Variants in TRMT9B observed in about 807,000 individuals in gnomAD.
The protein encoded by TRMT9B is tRNA methyltransferase 9B (putative).
In TRMT9B, 16 loss-of-function variants were observed where a neutral mutation model predicts 11.5. That is an observed-to-expected ratio of 1.39 (90% CI 0.94 to 2.11). The LOEUF (loss-of-function observed/expected upper bound fraction) is 2.11, where lower values mean the gene tolerates loss of function less well. TRMT9B is among the 30% of genes most tolerant of loss of function. The probability of loss-of-function intolerance (pLI) is 0.00; values close to 1 mark genes in which losing one functional copy is unlikely to be tolerated. For synonymous variants in TRMT9B, 274 were observed against 192.4 expected, an observed-to-expected ratio of 1.42 and a Z score of -3.51; for missense variants, 941 against 553.8, an observed-to-expected ratio of 1.70 and a Z score of -7.02.
intron 2 of TRMT9B, among the ~76,000 whole-genome samples, chr8:12,996,962 T>C (rs1563388471): frequency 2.1e-5 from 1 of 46,716 alleles, no homozygotes; most frequent in Non-Finnish European, 4.1e-5. Context: ...TTTATTTTAT[T>C]TTATTTTATT....
intron 1 of TRMT9B, among the ~76,000 whole-genome samples, chr8:12,983,045 C>A (rs1805674440): frequency 6.6e-6 from 1 of 152,226 alleles, no homozygotes; most frequent in Non-Finnish European, 1.5e-5. Context: ...GCGTGCATTA[C>A]TCAGTGTGGT....
chr8:12,998,161 A>G (rs1424357701), intron 2 of TRMT9B, among the ~76,000 whole-genome samples: 5 of 152,192 alleles, frequency 3.3e-5, no homozygotes, highest in African/African-American at 1.2e-4. Flanking sequence ...ATCTGTATGT[A>G]CTACGAATAC....
In TRMT9B at chr8:13,012,721, G is replaced by A. The variant is rs371980778; in HGVS notation, c.192G>A (p.Gln64=). ...GAAAATATCTTAAAGTGAACAGCCA[G>A]GTACATACCGTGGGCTGTGACTACT... is the stretch of plus-strand genomic sequence containing the variant. ...GTGKYLKVNS[Q]VHTVGCDYCG... The change falls in exon 4 of 5, where the codon CAG becomes CAA. Residue 64 remains glutamine (Q), a synonymous_variant. Coordinates refer to ENST00000524591, the MANE Select transcript of TRMT9B (RefSeq NM_020844.3). 1 of 1,613,976 alleles carries A rather than the reference G, an allele frequency of 6.2e-7. No homozygotes were observed. The highest frequency in any genetic ancestry group is 1.1e-5 in the South Asian group (1 of 91,082).
At chr8:13,001,119 T>C (rs1046813960) in intron 2 of TRMT9B, among the ~76,000 whole-genome samples, 1 of 152,214 alleles carries the variant, frequency 6.6e-6, no homozygotes, top group Non-Finnish European at 1.5e-5. Flanking sequence ...CTACATTTAT[T>C]TTGCAGAAAA....
intron 2 of TRMT9B, among the ~76,000 whole-genome samples, chr8:12,992,868 C>T (rs1291252419): frequency 2.0e-5 from 3 of 151,968 alleles, no homozygotes; most frequent in Non-Finnish European, 4.4e-5. Flanking sequence ...GACTCCATCT[C>T]CAAAAAGTAA....
At chr8:12,956,151 G>A (rs1472363766) in intron 1 of TRMT9B, among the ~76,000 whole-genome samples, 1 of 152,230 alleles carries the variant, frequency 6.6e-6, no homozygotes, top group East Asian at 1.9e-4. Context: ...TCTGGGAAAT[G>A]CAGCTTATAG....
intron 1 of TRMT9B, among the ~76,000 whole-genome samples, chr8:12,981,578 CCTTT>C (rs1342074175): frequency 6.6e-6 from 1 of 151,810 alleles, no homozygotes; most frequent in Non-Finnish European, 1.5e-5. Flanking sequence ...TTTTTGCTTT[CCTTT>C]CTTTCTTTTA....
intron 1 of TRMT9B, among the ~76,000 whole-genome samples, chr8:12,948,070 G>T (rs746822480): frequency 3.3e-5 from 5 of 152,070 alleles, no homozygotes; most frequent in Non-Finnish European, 5.9e-5. Context: ...CTTACGATGG[G>T]GGTTACATCC....
intron 1 of TRMT9B, among the ~76,000 whole-genome samples, chr8:12,963,384 G>A (rs2128864153): frequency 6.6e-6 from 1 of 152,316 alleles, no homozygotes; most frequent in East Asian, 1.9e-4. Context: ...AGTGAGCCAA[G>A]ATTGCACCAC....
At chr8:12,952,986 C>T (rs1800829234) in intron 1 of TRMT9B, among the ~76,000 whole-genome samples, 1 of 152,214 alleles carries the variant, frequency 6.6e-6, no homozygotes. Flanking sequence ...GATCCGCCTG[C>T]CTCGGCCTCC....
At position 13,029,112 on chromosome 8, in the gene TRMT9B, A is replaced by C. The variant is rs773950424; in HGVS notation, c.*7068A>C. On this transcript the variant is annotated 3_prime_UTR_variant, in exon 5 of 5. Coordinates refer to ENST00000524591, the MANE Select transcript of TRMT9B (RefSeq NM_020844.3). ...CTGTCATTAGTGACCAAGAAAAAGT[A>C]GTTCTTTTGTGCACGCGTGAATACA... 6.0e-6 allele frequency: 1 copy of C among 167,000 alleles called. No homozygotes were observed. Among genetic ancestry groups the C allele is most frequent in the African/African-American group, 2.4e-5 (1 of 41,456 alleles). 10.3% of individuals were successfully genotyped at this position (167,000 alleles called of 1,614,324 possible). A position where few individuals can be genotyped will look rare whatever the true frequency, so the allele number is the denominator to read the frequency against.
At chr8:12,992,459 T>G (rs1449564902) in intron 2 of TRMT9B, among the ~76,000 whole-genome samples, 5 of 151,714 alleles carry the variant, frequency 3.3e-5, no homozygotes, top group Admixed American at 1.3e-4. Flanking sequence ...AGAGGAAATG[T>G]GATAGGAGGT....
At chr8:12,994,355 A>G (rs1404370712) in intron 2 of TRMT9B, among the ~76,000 whole-genome samples, 1 of 152,154 alleles carries the variant, frequency 6.6e-6, no homozygotes. Flanking sequence ...AAACTTTTTT[A>G]TTTTTTAAGA....
Position 13,024,041 on chromosome 8 carries a change from C to CTTTTTTTTTTTTTTTTTTTTTTTTTT in TRMT9B, c.*2017_*2018insTTTTTTTTTTTTTTTTTTTTTTTTTT. ...AAAATTAATTTGGTTTCTTCTATTT[C>CTTTTTTTTTTTTTTTTTTTTTTTTTT]TTTTTTTTTTTTTTTTTTTTGAGAC... On this transcript the variant is annotated 3_prime_UTR_variant, in exon 5 of 5. Transcript: ENST00000524591. The CTTTTTTTTTTTTTTTTTTTTTTTTTT allele has an allele frequency of 8.7e-6, 1 of 114,600 alleles. No individual in the cohort carries two copies. Among genetic ancestry groups the CTTTTTTTTTTTTTTTTTTTTTTTTTT allele is most frequent in the Non-Finnish European group, 1.7e-5 (1 of 57,636 alleles). 7.1% of individuals were successfully genotyped at this position (114,600 alleles called of 1,614,324 possible). A position where few individuals can be genotyped will look rare whatever the true frequency, so the allele number is the denominator to read the frequency against.
chr8:12,970,421 G>A (rs924810946), intron 1 of TRMT9B, among the ~76,000 whole-genome samples: 4 of 152,286 alleles, frequency 2.6e-5, no homozygotes, highest in Middle Eastern at 3.4e-3. Context: ...TGTGGCAGGT[G>A]CCTTCCTCTT....
intron 2 of TRMT9B, among the ~76,000 whole-genome samples, chr8:13,001,799 C>G (rs1433929313): frequency 6.6e-6 from 1 of 152,166 alleles, no homozygotes; most frequent in Non-Finnish European, 1.5e-5. Context: ...GCTTTAAGTA[C>G]TGACTTTTTA....
In TRMT9B at chr8:12,991,177, A is replaced by G. The variant is rs910382496; in HGVS notation, c.-2+146A>G. 1.9e-5 allele frequency: 5 copies of G among 267,572 alleles called. No homozygotes were observed. The Admixed American group carries it at 2.1e-4, about 11-fold the overall frequency. 16.6% of individuals were successfully genotyped at this position (267,572 alleles called of 1,614,324 possible). A position where few individuals can be genotyped will look rare whatever the true frequency, so the allele number is the denominator to read the frequency against. ...AAAGTAAGTTGGAATTTATTTTTGC[A>G]TGAGGTGGAAAACAGTATTTGAAAG... On this transcript the variant is annotated intron_variant, in intron 2 of 4. Transcript: ENST00000524591.
At chr8:13,008,248 C>T (rs1035182014) in intron 3 of TRMT9B, among the ~76,000 whole-genome samples, 2 of 152,162 alleles carry the variant, frequency 1.3e-5, no homozygotes, top group African/African-American at 2.4e-5. Flanking sequence ...TATATTTTGT[C>T]CATCAGAGAC....
At chr8:12,971,744 C>A (rs1803660152) in intron 1 of TRMT9B, among the ~76,000 whole-genome samples, 1 of 152,114 alleles carries the variant, frequency 6.6e-6, no homozygotes, top group South Asian at 2.1e-4. Flanking sequence ...TTATTTTCCT[C>A]CGAATATATT....
Sources: gnomAD v4.1 joint callset for allele counts (sites outside exome capture counted in the v4.1 genomes callset) on GRCh38, gnomAD v4.1.1 for gene constraint, MANE v1.5 for transcripts, NCBI Gene and HGNC (gene_info 2026-07-23, HGNC 2026-07-21) for gene names.